Variants in PRORP observed in about 807,000 individuals in gnomAD.
PRORP encodes mitochondrial ribonuclease P catalytic subunit.
A neutral mutation model predicts 59.4 loss-of-function variants in PRORP; 51 were observed. The ratio of observed to expected loss-of-function variants is 0.86; its 90% CI spans 0.69 to 1.08. PRORP has a LOEUF of 1.08. Among genes scored for constraint, PRORP ranks in the 50% least tolerant of loss-of-function variants. The pLI, the probability that PRORP is intolerant of heterozygous loss-of-function variation, is 0.00. For synonymous variants in PRORP, 231 were observed against 245.6 expected (o/e 0.94, Z 0.55); for missense variants, 646 against 690.3 (o/e 0.94, Z 0.72).
intron 4 of PRORP, among the ~76,000 whole-genome samples, chr14:35,138,281 A>T (rs1050659783): frequency 6.9e-6 from 1 of 145,842 alleles, no homozygotes; most frequent in African/African-American, 2.4e-5. Context: ...CTATCTCCAA[A>T]TACAGTCACA....
chr14:35,262,993 T>C (rs2050943901), intron 5 of PRORP: 4 of 1,597,738 alleles, frequency 2.5e-6, no homozygotes, highest in Non-Finnish European at 3.4e-6. Flanking sequence ...TTGGATGGTA[T>C]CTATGTCTCT....
At position 35,123,022 on chromosome 14, in the gene PRORP, T is replaced by C; in HGVS notation, c.-224T>C. On this transcript the variant is annotated 5_prime_UTR_variant, in exon 2 of 8. Transcript: ENST00000534898. ...TCCCCTGGTTTGCGGCTTGCGACGT[T>C]GGACATCCCCGGATTGTTGTTTAAT... 1 of 537,674 alleles carries C rather than the reference T, an allele frequency of 1.9e-6. No homozygotes were observed. 33.3% of individuals were successfully genotyped at this position (537,674 alleles called of 1,614,324 possible). A position where few individuals can be genotyped will look rare whatever the true frequency, so the allele number is the denominator to read the frequency against.
chr14:35,180,729 T>C lies in PRORP; in HGVS notation c.1227T>C (p.Asp409=), dbSNP rs1455629844. ...KSRPPFDVVI[D]GLNVAKMFPK... The stretch of plus-strand genomic sequence containing the variant: ...GTCCTCCTTTTGATGTTGTCATTGA[T>C]GGTCTCAATGTTGCCAAAATGTTTC... Residue 409 remains aspartate (D), a synonymous_variant, in exon 5 of 8, where the codon GAT becomes GAC. Transcript: ENST00000534898. 2 of 1,613,330 alleles carry C rather than the reference T, an allele frequency of 1.2e-6. No individual in the cohort carries two copies. The highest frequency in any genetic ancestry group is 1.7e-5 in the Admixed American group (1 of 60,002).
At position 35,263,098 on chromosome 14, in the gene PRORP, A is replaced by G. The variant is rs1316321235; in HGVS notation, c.1276-3629A>G. The G allele has an allele frequency of 8.0e-6, 9 of 1,127,574 alleles. No homozygotes were observed. In the East Asian group the frequency reaches 1.4e-4, roughly 18 times the overall value. 69.8% of individuals were successfully genotyped at this position (1,127,574 alleles called of 1,614,324 possible). A position where few individuals can be genotyped will look rare whatever the true frequency, so the allele number is the denominator to read the frequency against. On this transcript the variant is annotated intron_variant, in intron 5 of 7. Transcript: ENST00000534898. The stretch of plus-strand genomic sequence containing the variant: ...GGATGATTCCTAAGACCTATTTGTG[A>G]TGTTTAAATGATGCAAAAGACCTAT...
intron 4 of PRORP, among the ~76,000 whole-genome samples, chr14:35,177,138 G>T (rs1379420416): frequency 6.6e-6 from 1 of 152,166 alleles, no homozygotes; most frequent in Non-Finnish European, 1.5e-5. Context: ...GCTGGATTCA[G>T]TTTGCCAGTA....
At chr14:35,126,100 G>A (rs1471047188) in intron 2 of PRORP, among the ~76,000 whole-genome samples, 1 of 152,154 alleles carries the variant, frequency 6.6e-6, no homozygotes, top group East Asian at 1.9e-4. Flanking sequence ...GAGGGATTAA[G>A]ATTGAAAACA....
At chr14:35,177,475 G>A (rs2048483131) in intron 4 of PRORP, among the ~76,000 whole-genome samples, 1 of 151,974 alleles carries the variant, frequency 6.6e-6, no homozygotes, top group Non-Finnish European at 1.5e-5. Flanking sequence ...GTCTTGGGAG[G>A]GTGTATGTGT....
Position 35,266,830 on chromosome 14 carries a change from T to C in PRORP, c.1379T>C (p.Met460Thr). Residue 460 changes from methionine (M) to threonine (T), a missense_variant, in exon 6 of 8, where the codon ATG becomes ACG. Physicochemically the swap from Met to Thr is moderately conservative, Grantham distance 81 (BLOSUM62 -1). Coordinates refer to ENST00000534898, the MANE Select transcript of PRORP (RefSeq NM_014672.4). ...RRSSQWSRDE[M>T]EEVQKQASCF... ...AGTTCCCAGTGGAGTCGGGATGAGATGGAAGAGGTGCAAAAGCAAGCCAGC... is the reference window on the plus strand; with the variant it reads ...AGTTCCCAGTGGAGTCGGGATGAGACGGAAGAGGTGCAAAAGCAAGCCAGC... 1 of 1,614,130 alleles carries C rather than the reference T, an allele frequency of 6.2e-7. No individual in the cohort carries two copies.
At chr14:35,206,239 G>C (rs1461680045) in intron 5 of PRORP, among the ~76,000 whole-genome samples, 1 of 152,138 alleles carries the variant, frequency 6.6e-6, no homozygotes, top group African/African-American at 2.4e-5. Flanking sequence ...TGGTGAAGAA[G>C]GTTTGTTTTT....
chr14:35,252,446 C>T (rs533884253), intron 5 of PRORP, among the ~76,000 whole-genome samples: 19 of 152,170 alleles, frequency 1.2e-4, no homozygotes, highest in Non-Finnish European at 2.2e-4. Flanking sequence ...AACAAACAAA[C>T]AAAAAAACAA....
chr14:35,152,774 G>A (rs1045418608), intron 4 of PRORP, among the ~76,000 whole-genome samples: 10 of 146,726 alleles, frequency 6.8e-5, no homozygotes, highest in African/African-American at 2.0e-4. Flanking sequence ...GGGCAGAGGC[G>A]CTCCTCACAT....
chr14:35,196,459 T>G (rs562282142), intron 5 of PRORP, among the ~76,000 whole-genome samples: 1 of 152,324 alleles, frequency 6.6e-6, no homozygotes, highest in Admixed American at 6.5e-5. Context: ...ATTGCGCTGA[T>G]GCACTCCATC....
intron 5 of PRORP, among the ~76,000 whole-genome samples, chr14:35,247,979 G>A (rs1278766513): frequency 6.6e-6 from 1 of 152,172 alleles, no homozygotes; most frequent in South Asian, 2.1e-4. Context: ...CTGGATGACT[G>A]TGTGGGTGCT....
chr14:35,249,667 G>A (rs985188198), intron 5 of PRORP, among the ~76,000 whole-genome samples: 2 of 152,080 alleles, frequency 1.3e-5, no homozygotes, highest in Non-Finnish European at 2.9e-5. Context: ...CCTGGCTTTA[G>A]TCTCCCAAAC....
rs1327636270 is a variant in PRORP at position 35,142,168 on chromosome 14, C to T, written c.1167+14557C>T. On this transcript the variant is annotated intron_variant, in intron 4 of 7. Transcript: ENST00000534898. ...TGCTGGGATTACAGGCGTGAGCCAC[C>T]GCGCCCAGCCTTAATTTATTATCTT... 4.2e-5 allele frequency among the ~76,000 whole-genome samples: 6 copies of T among 143,230 alleles called. 2 individuals are homozygous for T. Among genetic ancestry groups the T allele is most frequent in the Admixed American group, 1.5e-4 (2 of 13,562 alleles). The allele number at this position is 143,230 out of a possible 152,430, so 94.0% of individuals were successfully genotyped here.
chr14:35,189,479 A>C (rs1243437902), intron 5 of PRORP, among the ~76,000 whole-genome samples: 2 of 150,614 alleles, frequency 1.3e-5, no homozygotes, highest in Non-Finnish European at 2.9e-5. Context: ...AGTGACTAGC[A>C]GATTGATTAT....
At chr14:35,141,862 A>G (rs771080508) in intron 4 of PRORP, among the ~76,000 whole-genome samples, 1 of 140,482 alleles carries the variant, frequency 7.1e-6, no homozygotes, top group Non-Finnish European at 1.6e-5. Flanking sequence ...GACTACAGGC[A>G]TGTGGCACAA....
rs540293819 is a variant in PRORP, at chr14:35,178,480, C to T, written c.1168-2190C>T. Among the ~76,000 whole-genome samples the T allele has an allele frequency of 2.0e-5, 3 of 152,168 alleles. No individual in the cohort carries two copies. The East Asian group carries it at 5.8e-4, about 29-fold the overall frequency. On this transcript the variant is annotated intron_variant, in intron 4 of 7. Transcript: ENST00000534898. ...GTTAGCTCTTCTTGTTGAATTGATCCCTTTACCATTATGTAATGGCCTTCT... is the reference window on the plus strand; with the variant it reads ...GTTAGCTCTTCTTGTTGAATTGATCTCTTTACCATTATGTAATGGCCTTCT...
intron 4 of PRORP, 144 bp from the exon 5 acceptor site, chr14:35,180,526 C>CTCTG (rs140304917): frequency 1.7e-5 from 9 of 538,026 alleles, no homozygotes; most frequent in Non-Finnish European, 3.0e-5. Flanking sequence ...TGTAGAGTAT[C>CTCTG]TGTGTGTGTG....
Sources: gnomAD v4.1 joint callset for allele counts (sites outside exome capture counted in the v4.1 genomes callset) on GRCh38, gnomAD v4.1.1 for gene constraint, MANE v1.5 for transcripts, NCBI Gene and HGNC (gene_info 2026-07-23, HGNC 2026-07-21) for gene names.